Variants in EGFL6 observed in about 807,000 individuals in gnomAD.
The protein encoded by EGFL6 is EGF like domain multiple 6.
EGFL6 carries 42 observed loss-of-function variants against 43.1 expected under a neutral mutation model. That is an observed-to-expected ratio of 0.98 (90% CI 0.76 to 1.26). EGFL6 has a LOEUF of 1.26. Among genes scored for constraint, EGFL6 ranks in the 50% most tolerant of loss-of-function variants. The pLI is 0.00. For synonymous variants in EGFL6, 164 were observed against 163.2 expected (o/e 1.01, Z -0.04); for missense variants, 429 against 427.8 (o/e 1.00, Z -0.02).
intron 4 of EGFL6, among the ~76,000 whole-genome samples, chrX:13,600,964 C>T (rs1167195494): frequency 9.1e-6 from 1 of 110,472 alleles, no homozygotes; most frequent in Non-Finnish European, 1.9e-5. Flanking sequence ...TCACTCCTCA[C>T]TCCCCCTCCT....
chrX:13,603,030 G>A (rs1019330726), intron 4 of EGFL6, among the ~76,000 whole-genome samples: 2 of 111,572 alleles, frequency 1.8e-5, no homozygotes, highest in African/African-American at 6.5e-5. Flanking sequence ...GCACACACAA[G>A]TGGAGAAAGT....
At chrX:13,577,670 A>G (rs1301214821) in intron 1 of EGFL6, among the ~76,000 whole-genome samples, 2 of 111,222 alleles carry the variant, frequency 1.8e-5, no homozygotes, top group East Asian at 5.6e-4. Flanking sequence ...ATAAGAGTAA[A>G]TGAATGGATG....
intron 5 of EGFL6, among the ~76,000 whole-genome samples, chrX:13,604,880 G>A (rs2045651620): frequency 8.9e-6 from 1 of 111,749 alleles, no homozygotes; most frequent in South Asian, 3.7e-4. Flanking sequence ...GGTGCTAGAT[G>A]TTTATTTATC....
At chrX:13,593,605 C>T (rs919956897) in intron 2 of EGFL6, among the ~76,000 whole-genome samples, 2 of 111,741 alleles carry the variant, frequency 1.8e-5, no homozygotes, top group Non-Finnish European at 3.8e-5. Flanking sequence ...GCACTGGTCA[C>T]AAGCTGTGGT....
Position 13,569,662 on chromosome X carries a change from G to C in EGFL6, c.-200G>C. 3.4e-6 allele frequency: 1 copy of C among 295,968 alleles called. No individual in the cohort carries two copies. The highest frequency in any genetic ancestry group is 5.0e-5 in the Admixed American group (1 of 20,104). 24.4% of individuals were successfully genotyped at this position (295,968 alleles called of 1,213,427 possible). On this transcript the variant is annotated 5_prime_UTR_variant, in exon 1 of 12. Transcript: ENST00000361306. The stretch of plus-strand genomic sequence containing the variant: ...GGCCAGGCTTGCCAGGGCGCCCCCA[G>C]CCCCTCCCCAGGCCGCGAGCGCCCC...
At chrX:13,601,022 C>T (rs745566132) in intron 4 of EGFL6, among the ~76,000 whole-genome samples, 2 of 110,490 alleles carry the variant, frequency 1.8e-5, no homozygotes, top group African/African-American at 6.6e-5. Context: ...AGGGATTTGC[C>T]TATTCTGGAT....
rs759962529 is a variant in EGFL6 at position 13,590,616 on chromosome X, A to G, written c.187+948A>G. On this transcript the variant is annotated intron_variant, in intron 2 of 11. Transcript: ENST00000361306. The stretch of plus-strand genomic sequence containing the variant: ...TTTTTGCTAGTCTGTTCCTGCCCCA[A>G]CCTCCTTCTCTCTGGCTGGTTAAAA... Among the ~76,000 whole-genome samples, 15 of 111,913 alleles carry G rather than the reference A, an allele frequency of 1.3e-4. No homozygotes were observed. The South Asian group carries it at 2.3e-3, about 17-fold the overall frequency.
At chrX:13,599,842 A>G (rs972028012) in intron 3 of EGFL6, 133 bp from the exon 4 acceptor site, 1 of 596,147 alleles carries the variant, frequency 1.7e-6, no homozygotes, top group Non-Finnish European at 2.7e-6. Context: ...TGATGGTCAG[A>G]GAGAAGGTGG....
chrX:13,619,294 T>C, intron 9 of EGFL6, 51 bp downstream of exon 9: 2 of 1,038,904 alleles, frequency 1.9e-6, no homozygotes, highest in Non-Finnish European at 2.7e-6. Flanking sequence ...GTCCTGGTCG[T>C]TTTCATTTCT....
intron 11 of EGFL6, among the ~76,000 whole-genome samples, chrX:13,630,571 G>GA (rs1245977643): frequency 9.0e-6 from 1 of 111,697 alleles, no homozygotes; most frequent in African/African-American, 3.3e-5. Context: ...GAGACTAGAG[G>GA]AAAAAGAAAC....
intron 1 of EGFL6, among the ~76,000 whole-genome samples, chrX:13,582,249 G>T (rs2045510485): frequency 9.2e-6 from 1 of 109,165 alleles, no homozygotes; most frequent in East Asian, 2.9e-4. Flanking sequence ...TTTTAGTAGA[G>T]ACGGGGTTTC....
intron 5 of EGFL6, among the ~76,000 whole-genome samples, chrX:13,603,950 T>A (rs1181353854): frequency 2.7e-5 from 3 of 112,526 alleles, no homozygotes; most frequent in African/African-American, 9.7e-5. Context: ...CTAAGTATAA[T>A]TAATTTAACT....
At chrX:13,588,467 A>G (rs1446734349) in intron 1 of EGFL6, among the ~76,000 whole-genome samples, 5 of 112,172 alleles carry the variant, frequency 4.5e-5, no homozygotes, top group Non-Finnish European at 9.4e-5. Flanking sequence ...CCCTCCACTA[A>G]ACATACAATG....
intron 7 of EGFL6, among the ~76,000 whole-genome samples, chrX:13,617,320 T>C (rs1203744806): frequency 1.8e-5 from 2 of 112,121 alleles, no homozygotes; most frequent in African/African-American, 3.2e-5. Flanking sequence ...TTCAACCTAA[T>C]GCTGTAGCTG....
At chrX:13,592,921 T>C (rs1283804684) in intron 2 of EGFL6, among the ~76,000 whole-genome samples, 1 of 102,645 alleles carries the variant, frequency 9.7e-6, no homozygotes, top group African/African-American at 3.5e-5. Flanking sequence ...TTCTTTCTTT[T>C]TTTTTTTTTT....
intron 9 of EGFL6, among the ~76,000 whole-genome samples, chrX:13,620,944 A>G (rs901014437): frequency 8.9e-6 from 1 of 112,196 alleles, no homozygotes; most frequent in Non-Finnish European, 1.9e-5. Context: ...TCCTTGAGTA[A>G]GTTGTCTTGG....
At chrX:13,620,797 A>G (rs746656119) in intron 9 of EGFL6, among the ~76,000 whole-genome samples, 1 of 111,883 alleles carries the variant, frequency 8.9e-6, no homozygotes, top group African/African-American at 3.2e-5. Flanking sequence ...GATAAGTGAC[A>G]TGAAGGAATC....
At chrX:13,578,462 A>G (rs1273125243) in intron 1 of EGFL6, among the ~76,000 whole-genome samples, 1 of 107,878 alleles carries the variant, frequency 9.3e-6, no homozygotes, top group Non-Finnish European at 1.9e-5. Flanking sequence ...TCATGCTGCT[A>G]TAAAGACACA....
chrX:13,633,072 A>T lies in EGFL6; in HGVS notation c.1639A>T (p.Ser547Cys). The T allele has an allele frequency of 8.3e-7, 1 of 1,200,660 alleles. No homozygotes were observed. Among genetic ancestry groups the T allele is most frequent in the Non-Finnish European group, 1.1e-6 (1 of 891,633 alleles). ...VLLVSGLCPD[S>C]LLSVDD is the part of the protein sequence containing the mutation. ...GCTTGTTTCAGGCTTATGTCCAGAT[A>T]GCCTTTTATCTGTGGATGACTGAAT... is the stretch of plus-strand genomic sequence containing the variant. The change falls in exon 12 of 12, where the codon AGC becomes TGC. Residue 547 changes from serine (S) to cysteine (C), a missense_variant. Transcript: ENST00000361306.
Sources: gnomAD v4.1 joint callset for allele counts (sites outside exome capture counted in the v4.1 genomes callset) on GRCh38, gnomAD v4.1.1 for gene constraint, MANE v1.5 for transcripts, NCBI Gene and HGNC (gene_info 2026-07-23, HGNC 2026-07-21) for gene names.